ACTR3C: variants seen among roughly 807,000 people sequenced by gnomAD.
ACTR3C encodes actin-related protein 3C.
A neutral mutation model predicts 26.3 loss-of-function variants in ACTR3C; 18 were observed. That is an observed-to-expected ratio of 0.68 (90% CI 0.47 to 1.01). The LOEUF (loss-of-function observed/expected upper bound fraction) is 1.01, where lower values mean the gene tolerates loss of function less well. Among genes scored for constraint, ACTR3C ranks in the 50% least tolerant of loss-of-function variants. The pLI is 0.00. For synonymous variants in ACTR3C, 55 were observed against 94.5 expected (o/e 0.58, Z 2.42); for missense variants, 184 against 250.7 (o/e 0.73, Z 1.80).
chr7:150,033,762 G>GT, the ACTR3C span, among the ~76,000 whole-genome samples: 56 of 150,700 alleles, frequency 3.7e-4, no homozygotes, highest in African/African-American at 1.3e-3. Flanking sequence ...CGTGGGGGGT[G>GT]CTTCCACCTC....
the ACTR3C span, among the ~76,000 whole-genome samples, chr7:150,160,856 A>G: frequency 1.3e-5 from 2 of 149,714 alleles, no homozygotes; most frequent in Non-Finnish European, 1.5e-5. Context: ...TGTATGATTT[A>G]TACATTAATT....
At chr7:150,291,913 C>G (rs780380245) in intron 3 of ACTR3C, among the ~76,000 whole-genome samples, 1 of 151,514 alleles carries the variant, frequency 6.6e-6, no homozygotes, top group African/African-American at 2.4e-5. Context: ...CTCCTCCCCA[C>G]AGGAAGGACA....
At chr7:149,901,016 A>C in the ACTR3C span, among the ~76,000 whole-genome samples, 1 of 152,184 alleles carries the variant, frequency 6.6e-6, no homozygotes, top group East Asian at 1.9e-4. Context: ...CTGGGCAACA[A>C]AGCGAGATTC....
chr7:150,098,354 A>G, the ACTR3C span, among the ~76,000 whole-genome samples: 1 of 151,696 alleles, frequency 6.6e-6, no homozygotes, highest in African/African-American at 2.4e-5. Flanking sequence ...AGTCATCTAC[A>G]AATTATATTA....
the ACTR3C span, among the ~76,000 whole-genome samples, chr7:150,034,760 A>AG: frequency 1.6e-5 from 2 of 126,898 alleles, no homozygotes; most frequent in Non-Finnish European, 3.4e-5. Flanking sequence ...GGATCAACGA[A>AG]GGGGGCCCTA....
the ACTR3C span, among the ~76,000 whole-genome samples, chr7:150,172,283 A>G: frequency 1.3e-5 from 2 of 150,610 alleles, no homozygotes; most frequent in African/African-American, 5.0e-5. Context: ...TTGGACTTAT[A>G]GTTCCACATA....
chr7:150,306,089 C>T (rs982565055), intron 1 of ACTR3C, among the ~76,000 whole-genome samples: 8 of 152,194 alleles, frequency 5.3e-5, no homozygotes, highest in Non-Finnish European at 1.0e-4. Context: ...ACATGTAATA[C>T]GATATTTTCT....
At chr7:149,967,513 C>T in the ACTR3C span, among the ~76,000 whole-genome samples, 1 of 152,136 alleles carries the variant, frequency 6.6e-6, no homozygotes, top group Non-Finnish European at 1.5e-5. Flanking sequence ...AGGGAAGGAG[C>T]TAGGAGGGTG....
At chr7:150,285,005 C>T (rs140969787) in intron 5 of ACTR3C, among the ~76,000 whole-genome samples, 160 bp from the exon 6 acceptor site, 13 of 152,278 alleles carry the variant, frequency 8.5e-5, no homozygotes, top group East Asian at 5.8e-4. Context: ...CATGTGACTA[C>T]GTGTGCGTGG....
the ACTR3C span, among the ~76,000 whole-genome samples, chr7:150,205,647 G>A: frequency 1.3e-5 from 2 of 152,170 alleles, no homozygotes; most frequent in African/African-American, 2.4e-5. Context: ...CTGGCTGCCA[G>A]CAACATCATC....
chr7:150,287,098 C>T (rs1232279734), intron 4 of ACTR3C, among the ~76,000 whole-genome samples: 4 of 151,994 alleles, frequency 2.6e-5, no homozygotes, highest in Non-Finnish European at 5.9e-5. Context: ...ATCAGCTCCA[C>T]TGACACCATC....
chr7:150,044,382 A>G, the ACTR3C span, among the ~76,000 whole-genome samples: 1 of 152,132 alleles, frequency 6.6e-6, no homozygotes, highest in Admixed American at 6.5e-5. Flanking sequence ...GGAGTTGCCC[A>G]AGTAATTGAC....
the ACTR3C span, among the ~76,000 whole-genome samples, chr7:150,086,448 G>T: frequency 7.3e-4 from 111 of 152,304 alleles, no homozygotes; most frequent in Middle Eastern, 3.4e-3. Context: ...TTTGGGCTCA[G>T]TCAGAAATTC....
chr7:149,936,662 C>G, the ACTR3C span, among the ~76,000 whole-genome samples: 1 of 152,210 alleles, frequency 6.6e-6, no homozygotes, highest in African/African-American at 2.4e-5. Context: ...ACTATTGATT[C>G]AGGATGGAGG....
chr7:150,230,503 G>A, the ACTR3C span, among the ~76,000 whole-genome samples: 1 of 152,186 alleles, frequency 6.6e-6, no homozygotes, highest in African/African-American at 2.4e-5. Flanking sequence ...GTGGGTGAGT[G>A]AGCATTACCG....
the ACTR3C span, among the ~76,000 whole-genome samples, chr7:149,947,226 G>A: frequency 1.4e-5 from 2 of 146,922 alleles, no homozygotes; most frequent in South Asian, 4.2e-4. Context: ...AATCTTTTCT[G>A]TTTCTTCTTC....
At chr7:150,049,583 G>A in the ACTR3C span, among the ~76,000 whole-genome samples, 10 of 152,354 alleles carry the variant, frequency 6.6e-5, no homozygotes, top group African/African-American at 2.2e-4. Flanking sequence ...CTGCAGGCTC[G>A]CCCCCAGCCT....
the ACTR3C span, among the ~76,000 whole-genome samples, chr7:150,152,914 G>T: frequency 4.6e-3 from 707 of 152,268 alleles, 7 homozygotes; most frequent in African/African-American, 0.016. Flanking sequence ...TAGATTTCTA[G>T]TTTATTTGCG....
At chr7:150,229,272 G>A in the ACTR3C span, among the ~76,000 whole-genome samples, 1 of 151,932 alleles carries the variant, frequency 6.6e-6, no homozygotes, top group Non-Finnish European at 1.5e-5. Flanking sequence ...TGTCTTAAAG[G>A]GAAAGCATCC....
Sources: allele counts gnomAD v4.1 joint callset (sites outside exome capture counted in the v4.1 genomes callset), GRCh38; gene constraint gnomAD v4.1.1; transcripts MANE v1.5; gene names NCBI Gene and HGNC (gene_info 2026-07-23, HGNC 2026-07-21).